HSD17B12: variants seen among roughly 807,000 people sequenced by gnomAD.
HSD17B12 encodes hydroxysteroid 17-beta dehydrogenase 12.
Under a neutral mutation model 39.3 loss-of-function variants are expected in HSD17B12, and 32 were observed. The ratio of observed to expected loss-of-function variants is 0.81; its 90% CI spans 0.61 to 1.09. The LOEUF is 1.09. Ranked by LOEUF, HSD17B12 falls within the 50% of genes least tolerant of loss-of-function variation. The pLI, the probability that HSD17B12 is intolerant of heterozygous loss-of-function variation, is 0.00. For missense variants in HSD17B12, 342 were observed against 382.9 expected (o/e 0.89, Z 0.89); for synonymous variants, 150 against 146.7 (o/e 1.02, Z -0.16).
the HSD17B12 span, among the ~76,000 whole-genome samples, chr11:43,625,101 T>C: frequency 2.0e-5 from 3 of 151,840 alleles, no homozygotes; most frequent in African/African-American, 7.2e-5. Context: ...ATTAAGACAA[T>C]GTTTCCAAAT....
chr11:43,655,278 T>C, the HSD17B12 span, among the ~76,000 whole-genome samples: 1 of 152,230 alleles, frequency 6.6e-6, no homozygotes, highest in Non-Finnish European at 1.5e-5. Context: ...TTTGCTGAAG[T>C]TGCTTATCAG....
At chr11:43,649,889 C>G in the HSD17B12 span, among the ~76,000 whole-genome samples, 7 of 152,150 alleles carry the variant, frequency 4.6e-5, no homozygotes, top group African/African-American at 1.7e-4. Flanking sequence ...AACCCAAAGG[C>G]AAGTGAAGAA....
chr11:43,684,143 C>A (rs1467047377), intron 1 of HSD17B12, among the ~76,000 whole-genome samples: 1 of 152,178 alleles, frequency 6.6e-6, no homozygotes, highest in African/African-American at 2.4e-5. Context: ...TAGTTCTCAC[C>A]AGTAACATTC....
At chr11:43,656,207 T>C in the HSD17B12 span, among the ~76,000 whole-genome samples, 2 of 152,242 alleles carry the variant, frequency 1.3e-5, no homozygotes, top group African/African-American at 4.8e-5. Flanking sequence ...GTGTTTATAG[T>C]ATTCTCTGAT....
intron 3 of HSD17B12, among the ~76,000 whole-genome samples, chr11:43,775,285 C>T (rs1457712774): frequency 1.3e-5 from 2 of 152,048 alleles, no homozygotes; most frequent in Non-Finnish European, 2.9e-5. Flanking sequence ...AGAGATAATA[C>T]ATATATATTG....
At chr11:43,788,182 G>GA (rs1444953836) in intron 3 of HSD17B12, among the ~76,000 whole-genome samples, 1 of 152,052 alleles carries the variant, frequency 6.6e-6, no homozygotes, top group Non-Finnish European at 1.5e-5. Flanking sequence ...ATCCTGCATG[G>GA]AAAATTGGTC....
chr11:43,681,844 T>C (rs1949748613), intron 1 of HSD17B12, among the ~76,000 whole-genome samples: 1 of 143,934 alleles, frequency 6.9e-6, no homozygotes, highest in Non-Finnish European at 1.5e-5. Context: ...CTTTTTTTTT[T>C]CTTTTTCAAC....
At chr11:43,594,600 G>T in the HSD17B12 span, among the ~76,000 whole-genome samples, 1 of 146,398 alleles carries the variant, frequency 6.8e-6, no homozygotes, top group African/African-American at 2.5e-5. Context: ...GCTGCTCCTT[G>T]TAGACTGGCT....
chr11:43,690,398 A>ATTTTTTTTTTTTTTT (rs1303064530), intron 1 of HSD17B12, among the ~76,000 whole-genome samples: 1 of 27,480 alleles, frequency 3.6e-5, no homozygotes, highest in Non-Finnish European at 5.7e-5. Flanking sequence ...ATATATATAT[A>ATTTTTTTTTTTTTTT]TATATATTTT....
At chr11:43,734,962 A>C (rs1950303632) in intron 1 of HSD17B12, among the ~76,000 whole-genome samples, 1 of 152,156 alleles carries the variant, frequency 6.6e-6, no homozygotes, top group Admixed American at 6.5e-5. Context: ...GGCAACCACT[A>C]ATCTGCTTTC....
chr11:43,793,899 A>G (rs553901135), intron 3 of HSD17B12, among the ~76,000 whole-genome samples: 17 of 152,318 alleles, frequency 1.1e-4, no homozygotes, highest in African/African-American at 3.8e-4. Context: ...CTGCTTTTCC[A>G]CAATTGTAGT....
intron 3 of HSD17B12, among the ~76,000 whole-genome samples, chr11:43,793,619 A>G (rs1950889477): frequency 6.6e-6 from 1 of 152,216 alleles, no homozygotes; most frequent in African/African-American, 2.4e-5. Flanking sequence ...CATTCTGAAT[A>G]TATTTATCAC....
the HSD17B12 span, among the ~76,000 whole-genome samples, chr11:43,655,872 TG>T: frequency 6.6e-6 from 1 of 152,192 alleles, no homozygotes; most frequent in East Asian, 1.9e-4. Flanking sequence ...TTCTCTTTTT[TG>T]GTTGTGTCTC....
the HSD17B12 span, among the ~76,000 whole-genome samples, chr11:43,616,069 G>A: frequency 6.6e-6 from 1 of 152,250 alleles, no homozygotes; most frequent in African/African-American, 2.4e-5. Flanking sequence ...AAATATAAAA[G>A]AAGAGAAGGC....
chr11:43,729,266 G>T (rs1332427517), intron 1 of HSD17B12, among the ~76,000 whole-genome samples: 2 of 152,148 alleles, frequency 1.3e-5, no homozygotes, highest in Admixed American at 1.3e-4. Context: ...ACATCTAATA[G>T]AATTTAATAA....
upstream of HSD17B12, among the ~76,000 whole-genome samples, chr11:43,676,563 G>A (rs574489292): frequency 2.0e-5 from 3 of 152,300 alleles, no homozygotes; most frequent in African/African-American, 7.2e-5. Context: ...CTGTTGAATG[G>A]TAGAGTAGGG....
chr11:43,574,029 T>C, the HSD17B12 span, among the ~76,000 whole-genome samples: 1,260 of 152,326 alleles, frequency 8.3e-3, 20 homozygotes, highest in African/African-American at 0.029. Context: ...CATTCTCACA[T>C]GCATGCATGT....
the HSD17B12 span, among the ~76,000 whole-genome samples, chr11:43,664,114 G>T: frequency 6.6e-6 from 1 of 152,166 alleles, no homozygotes; most frequent in African/African-American, 2.4e-5. Flanking sequence ...CTCCCAAAGT[G>T]CTGGGATTAC....
chr11:43,601,622 T>C, the HSD17B12 span, among the ~76,000 whole-genome samples: 3 of 152,096 alleles, frequency 2.0e-5, no homozygotes, highest in African/African-American at 7.2e-5. Context: ...GAGTTCACAC[T>C]GTCTGGTTTG....
Sources: allele counts gnomAD v4.1 joint callset (sites outside exome capture counted in the v4.1 genomes callset), GRCh38; gene constraint gnomAD v4.1.1; transcripts MANE v1.5; gene names NCBI Gene and HGNC (gene_info 2026-07-23, HGNC 2026-07-21).